EPSTI1: variants seen among roughly 807,000 people sequenced by gnomAD.
EPSTI1 encodes the protein epithelial stromal interaction 1, also known as epithelial-stromal interaction protein 1.
EPSTI1 carries 66 observed loss-of-function variants against 49.9 expected under a neutral mutation model. That is an observed-to-expected ratio of 1.32 (90% CI 1.08 to 1.62). EPSTI1 has a LOEUF of 1.62. Ranked by LOEUF, EPSTI1 falls within the 40% of genes most tolerant of loss-of-function variation. The probability of loss-of-function intolerance (pLI) is 0.00; values close to 1 mark genes in which losing one functional copy is unlikely to be tolerated. For missense variants in EPSTI1, 394 were observed against 365.5 expected (o/e 1.08, Z -0.64); for synonymous variants, 137 against 130.7 (o/e 1.05, Z -0.33).
At chr13:42,978,068 G>A (rs1309986727) in intron 1 of EPSTI1, among the ~76,000 whole-genome samples, 1 of 152,096 alleles carries the variant, frequency 6.6e-6, no homozygotes, top group African/African-American at 2.4e-5. Flanking sequence ...CAGGAGAATG[G>A]CGTGAACCCG....
At chr13:42,903,785 A>G (rs1371684819) in intron 8 of EPSTI1, among the ~76,000 whole-genome samples, 1 of 152,186 alleles carries the variant, frequency 6.6e-6, no homozygotes, top group Non-Finnish European at 1.5e-5. Context: ...AGAAGATGGG[A>G]ATAGAAGTTT....
chr13:42,905,163 G>T (rs2037463733), intron 8 of EPSTI1, among the ~76,000 whole-genome samples: 1 of 152,110 alleles, frequency 6.6e-6, no homozygotes. Context: ...AACTGTTAGG[G>T]AGGAAGAAAA....
At chr13:42,891,442 A>G (rs2037031933) in intron 10 of EPSTI1, among the ~76,000 whole-genome samples, 2 of 152,140 alleles carry the variant, frequency 1.3e-5, no homozygotes, top group Non-Finnish European at 2.9e-5. Flanking sequence ...TAAAGTACCC[A>G]CTTCCCCACA....
chr13:42,949,926 A>C (rs1206321650), intron 6 of EPSTI1, among the ~76,000 whole-genome samples: 1 of 152,196 alleles, frequency 6.6e-6, no homozygotes, highest in African/African-American at 2.4e-5. Flanking sequence ...GTTTTAAACA[A>C]CCTAAATCAT....
intron 6 of EPSTI1, among the ~76,000 whole-genome samples, chr13:42,929,654 T>C (rs1271294567): frequency 6.6e-6 from 1 of 152,190 alleles, no homozygotes; most frequent in Non-Finnish European, 1.5e-5. Flanking sequence ...TGGTTACTGC[T>C]AGAGAAAGAC....
rs775988303 is a variant in EPSTI1 at position 42,992,018 on chromosome 13, C to T, written c.148G>A (p.Gly50Ser). Residue 50 changes from glycine to serine, a missense_variant, in exon 1 of 11, where the codon GGC (glycine) becomes AGC (serine). By Grantham distance (56) the Gly-to-Ser change is moderately conservative (BLOSUM62 0). Coordinates refer to ENST00000313624, the MANE Select transcript of EPSTI1 (RefSeq NM_033255.5). Reference sequence around the variant, plus strand: ...TGCACGACGCTCTCCCGCGAAGGGCCCTTAGGGGCTGCCTCCAAACCCTCT... The same window carrying T: ...TGCACGACGCTCTCCCGCGAAGGGCTCTTAGGGGCTGCCTCCAAACCCTCT... The part of the protein sequence containing the change: ...QREGLEAAPK[G>S]PSRESVVHAG... The T allele has an allele frequency of 1.2e-6, 2 of 1,613,442 alleles. No individual in the cohort carries two copies. The highest frequency in any genetic ancestry group is 1.7e-6 in the Non-Finnish European group (2 of 1,180,034).
chr13:42,968,268 A>G (rs1384549461), intron 3 of EPSTI1, among the ~76,000 whole-genome samples: 1 of 151,294 alleles, frequency 6.6e-6, no homozygotes, highest in Admixed American at 6.6e-5. Context: ...TAATATTACT[A>G]TTACTTCCTC....
Position 42,888,201 on chromosome 13 carries a change from G to T in EPSTI1, c.*293C>A, listed in dbSNP as rs2036916657. 2 of 1,596,928 alleles carry T rather than the reference G, an allele frequency of 1.3e-6. No individual in the cohort carries two copies. Among genetic ancestry groups the T allele is most frequent in the South Asian group, 2.3e-5 (2 of 88,410 alleles). On this transcript the variant is annotated 3_prime_UTR_variant, in exon 11 of 11. Coordinates refer to ENST00000313624, the MANE Select transcript of EPSTI1 (RefSeq NM_033255.5). ...TCTGATTAACCTGAAAGCATCAAGT[G>T]ACTCCCTCTTTTTCTACCCTACCAA...
intron 8 of EPSTI1, among the ~76,000 whole-genome samples, chr13:42,911,153 A>T (rs2037660512): frequency 6.6e-6 from 1 of 152,180 alleles, no homozygotes; most frequent in African/African-American, 2.4e-5. Context: ...TAAGAGAAAA[A>T]TTTCATCAGC....
chr13:42,934,802 G>T, intron 6 of EPSTI1: 1 of 204,400 alleles, frequency 4.9e-6, no homozygotes, highest in South Asian at 1.1e-4. Flanking sequence ...AAATCTACCA[G>T]AACATTCACT....
chr13:42,951,491 A>C (rs74063321), intron 6 of EPSTI1, among the ~76,000 whole-genome samples: 4,749 of 152,306 alleles, frequency 0.031, 176 homozygotes, highest in South Asian at 0.098. Context: ...AATAAGCAGA[A>C]GAAAGAGCAA....
chr13:42,926,026 T>TGGATGGAAGGAAGGAAGGAAGGAAGGAA (rs2038160557), intron 7 of EPSTI1, among the ~76,000 whole-genome samples: 1 of 142,634 alleles, frequency 7.0e-6, no homozygotes, highest in Admixed American at 6.9e-5. Flanking sequence ...GATGCATGGA[T>TGGATGGAAGGAAGGAAGGAAGGAAGGAA]GGAAGGAAGG....
intron 6 of EPSTI1, 99 bp from the exon 7 acceptor site, chr13:42,926,528 A>C: frequency 1.3e-6 from 1 of 768,242 alleles, no homozygotes. Flanking sequence ...TTGGGTGATG[A>C]TTAAAATTAT....
intron 6 of EPSTI1, among the ~76,000 whole-genome samples, chr13:42,937,390 T>C (rs916348195): frequency 7.2e-5 from 11 of 152,216 alleles, no homozygotes; most frequent in Admixed American, 7.2e-4. Context: ...ATTGACTCTT[T>C]CTTTCATGAA....
intron 10 of EPSTI1, among the ~76,000 whole-genome samples, chr13:42,891,569 ATC>A (rs1308724725): frequency 6.6e-6 from 1 of 152,134 alleles, no homozygotes; most frequent in Non-Finnish European, 1.5e-5. Flanking sequence ...GTCTTTCATT[ATC>A]TCCTATTTTT....
chr13:42,911,451 T>C (rs1424122407), intron 8 of EPSTI1, among the ~76,000 whole-genome samples: 1 of 152,210 alleles, frequency 6.6e-6, no homozygotes, highest in East Asian at 1.9e-4. Flanking sequence ...TCTAAAATTA[T>C]CCAAGTTCAG....
intron 7 of EPSTI1, 137 bp from the exon 8 acceptor site, chr13:42,917,761 A>C: frequency 1.7e-6 from 1 of 583,742 alleles, no homozygotes; most frequent in Non-Finnish European, 3.0e-6. Context: ...TAAGCTCTCC[A>C]TACACACTTG....
chr13:42,974,670 A>T (rs2039846492), intron 1 of EPSTI1, among the ~76,000 whole-genome samples: 1 of 152,174 alleles, frequency 6.6e-6, no homozygotes. Flanking sequence ...AAAAAAAAAA[A>T]AAAAGTTTTC....
chr13:42,957,158 G>T lies in EPSTI1; in HGVS notation c.490-3137C>A, dbSNP rs565914165. Among the ~76,000 whole-genome samples the T allele has an allele frequency of 2.0e-5, 3 of 152,252 alleles. No individual in the cohort carries two copies. The South Asian group carries it at 6.2e-4, about 32-fold the overall frequency. ...GAAATAATAGGAAGCATGATGATAG[G>T]GATATGGGATGAGTAAGAAAAGGAG... On this transcript the variant is annotated intron_variant, in intron 5 of 10. Coordinates refer to ENST00000313624, the MANE Select transcript of EPSTI1 (RefSeq NM_033255.5).
Sources: allele counts gnomAD v4.1 joint callset (sites outside exome capture counted in the v4.1 genomes callset), GRCh38; gene constraint gnomAD v4.1.1; transcripts MANE v1.5; gene names NCBI Gene and HGNC (gene_info 2026-07-23, HGNC 2026-07-21).